Variants in ABRAXAS2 observed in about 807,000 individuals in gnomAD.
ABRAXAS2 encodes the protein BRISC complex subunit Abraxas 2.
Under a neutral mutation model 49.0 loss-of-function variants are expected in ABRAXAS2, and 23 were observed. The ratio of observed to expected loss-of-function variants is 0.47; its 90% CI spans 0.34 to 0.66. The LOEUF (loss-of-function observed/expected upper bound fraction) is 0.66, where lower values mean the gene tolerates loss of function less well. Ranked by LOEUF, ABRAXAS2 falls within the 30% of genes least tolerant of loss-of-function variation. ABRAXAS2 has a pLI of 0.01. For synonymous variants in ABRAXAS2, 168 were observed against 180.2 expected, an observed-to-expected ratio of 0.93 and a Z score of 0.54; for missense variants, 443 against 511.9, an observed-to-expected ratio of 0.87 and a Z score of 1.30.
chr10:124,806,963 A>G (rs759953792), intron 2 of ABRAXAS2, 42 bp downstream of exon 2: 3 of 1,339,620 alleles, frequency 2.2e-6, no homozygotes, highest in South Asian at 2.5e-5. Flanking sequence ...TCTTTTTTGT[A>G]TATTTACTTA....
intron 2 of ABRAXAS2, among the ~76,000 whole-genome samples, chr10:124,814,056 A>G (rs536574213): frequency 9.9e-5 from 15 of 152,256 alleles, no homozygotes; most frequent in African/African-American, 3.4e-4. Context: ...CAATGGCACA[A>G]TCTTGACTCA....
chr10:124,806,024 G>C lies in ABRAXAS2; in HGVS notation c.73-807G>C, dbSNP rs572591748. Among the ~76,000 whole-genome samples, 3 of 152,282 alleles carry C rather than the reference G, an allele frequency of 2.0e-5. No homozygotes were observed. In the South Asian group the frequency reaches 6.2e-4, roughly 32 times the overall value. ...TTTATTAAAGAAAAAGGTTCGGCTG[G>C]GCACGATGGCTCACGCCTGTAATCC... On this transcript the variant is annotated intron_variant, in intron 1 of 8. Coordinates refer to ENST00000298492, the MANE Select transcript of ABRAXAS2 (RefSeq NM_032182.4).
chr10:124,801,927 C>T (rs769567275), intron 1 of ABRAXAS2, 26 bp downstream of exon 1: 8 of 1,609,250 alleles, frequency 5.0e-6, no homozygotes, highest in Non-Finnish European at 5.9e-6. Flanking sequence ...CCTGCCGCGC[C>T]CGCTGGGGGC....
chr10:124,815,596 T>C (rs1302216934), intron 2 of ABRAXAS2, among the ~76,000 whole-genome samples: 1 of 152,208 alleles, frequency 6.6e-6, no homozygotes, highest in Non-Finnish European at 1.5e-5. Context: ...ATGTGATTAA[T>C]ATAACTGAAT....
chr10:124,830,785 T>C (rs1333311201), intron 7 of ABRAXAS2, among the ~76,000 whole-genome samples: 1 of 152,256 alleles, frequency 6.6e-6, no homozygotes, highest in Non-Finnish European at 1.5e-5. Context: ...TATTTCATTG[T>C]TGATTGAATA....
chr10:124,804,605 G>C (rs1365188459), intron 1 of ABRAXAS2, among the ~76,000 whole-genome samples: 1 of 151,402 alleles, frequency 6.6e-6, no homozygotes, highest in African/African-American at 2.4e-5. Flanking sequence ...TTTTCTTAGG[G>C]TAAAACAAGC....
chr10:124,823,865 T>G (rs566143440), intron 4 of ABRAXAS2, among the ~76,000 whole-genome samples: 1 of 152,332 alleles, frequency 6.6e-6, no homozygotes, highest in Non-Finnish European at 1.5e-5. Context: ...CAATACACAT[T>G]AATTTGGCAT....
chr10:124,824,554 A>G (rs1950885662), intron 4 of ABRAXAS2, among the ~76,000 whole-genome samples: 1 of 151,994 alleles, frequency 6.6e-6, no homozygotes, highest in Non-Finnish European at 1.5e-5. Flanking sequence ...AAAAAACAAA[A>G]CAAAGGCAGC....
At position 124,834,838 on chromosome 10, in the gene ABRAXAS2, C is replaced by T. The variant is rs1950959604; in HGVS notation, c.1115C>T (p.Ser372Leu). ...QRAAGDSGED[S>L]DDSDYENLID... Reference sequence around the variant, plus strand: ...GCAGCTGGAGACAGTGGTGAGGATTCAGACGACAGTGATTATGAAAATTTG... The same window carrying T: ...GCAGCTGGAGACAGTGGTGAGGATTTAGACGACAGTGATTATGAAAATTTG... Residue 372 changes from serine (S) to leucine (L), a missense_variant, in exon 9 of 9, where the codon TCA becomes TTA. Physicochemically the swap from Ser to Leu is moderately radical, Grantham distance 145. Coordinates refer to ENST00000298492, the MANE Select transcript of ABRAXAS2 (RefSeq NM_032182.4). 1 of 1,614,126 alleles carries T rather than the reference C, an allele frequency of 6.2e-7. No individual in the cohort carries two copies. Among genetic ancestry groups the T allele is most frequent in the Non-Finnish European group, 8.5e-7 (1 of 1,180,026 alleles).
At chr10:124,828,493 T>C (rs1950910787) in intron 5 of ABRAXAS2, among the ~76,000 whole-genome samples, 2 of 152,094 alleles carry the variant, frequency 1.3e-5, no homozygotes, top group Admixed American at 6.6e-5. Flanking sequence ...GCCTCCCGAG[T>C]AGCTGAGACT....
intron 4 of ABRAXAS2, among the ~76,000 whole-genome samples, chr10:124,824,302 G>A (rs1041629995): frequency 6.6e-6 from 1 of 152,188 alleles, no homozygotes; most frequent in African/African-American, 2.4e-5. Flanking sequence ...TTGGGAGGCC[G>A]AGGCTGGCAG....
At chr10:124,821,802 C>T (rs770753263) in intron 4 of ABRAXAS2, among the ~76,000 whole-genome samples, 6 of 152,012 alleles carry the variant, frequency 3.9e-5, no homozygotes, top group East Asian at 3.9e-4. Context: ...TTGCAATCAC[C>T]GAAAGAATTT....
At chr10:124,829,047 T>C (rs1472227417) in intron 6 of ABRAXAS2, among the ~76,000 whole-genome samples, 172 bp downstream of exon 6, 2 of 152,258 alleles carry the variant, frequency 1.3e-5, no homozygotes, top group African/African-American at 4.8e-5. Flanking sequence ...AATTTTGTTC[T>C]TGTTGAAAAG....
At chr10:124,814,514 A>T (rs1950811239) in intron 2 of ABRAXAS2, among the ~76,000 whole-genome samples, 1 of 145,018 alleles carries the variant, frequency 6.9e-6, no homozygotes, top group African/African-American at 2.6e-5. Context: ...ATCATGCCCG[A>T]CTCATTTTTG....
chr10:124,826,703 G>A lies in ABRAXAS2; in HGVS notation c.376G>A (p.Val126Ile), dbSNP rs779280502. ...CCGCATCCTCGGCGTGCCCGACCTC[G>A]TCTTTCTTCTCTTCAGCTTCATCTC... is the stretch of plus-strand genomic sequence containing the variant. Reference protein sequence around the residue: ...LTRILGVPDLVFLLFSFISTA... With the variant: ...LTRILGVPDLIFLLFSFISTA... Residue 126 changes from valine (V) to isoleucine (I), a missense_variant, in exon 5 of 9, where the codon GTC becomes ATC. Val to Ile is a conservative substitution (Grantham distance 29). Transcript: ENST00000298492. 4.3e-5 allele frequency: 69 copies of A among 1,614,056 alleles called. No individual in the cohort carries two copies. The highest frequency in any genetic ancestry group is 1.6e-4 in the Middle Eastern group (1 of 6,084).
chr10:124,810,716 G>A (rs1040384825), intron 2 of ABRAXAS2, among the ~76,000 whole-genome samples: 1 of 151,052 alleles, frequency 6.6e-6, no homozygotes, highest in Admixed American at 6.6e-5. Context: ...CCGAGTAGGT[G>A]GAACTACAGG....
In ABRAXAS2 at chr10:124,834,557, G is replaced by A. The variant is rs750378292; in HGVS notation, c.834G>A (p.Ala278=). 38 of 1,614,040 alleles carry A rather than the reference G, an allele frequency of 2.4e-5. No homozygotes were observed. Among genetic ancestry groups the A allele is most frequent in the East Asian group, 1.8e-4 (8 of 44,884 alleles). ...RQMPSESLDP[A]FSPRMPSSGF... is the part of the protein sequence containing the mutation. ...TGCCGTCTGAAAGCTTGGACCCAGC[G>A]TTCAGTCCTCGGATGCCGTCCTCTG... is the stretch of plus-strand genomic sequence containing the variant. Residue 278 remains alanine, a synonymous_variant, in exon 9 of 9, where the codon GCG becomes GCA. Coordinates refer to ENST00000298492, the MANE Select transcript of ABRAXAS2 (RefSeq NM_032182.4).
In ABRAXAS2 at chr10:124,834,824, C is replaced by T; in HGVS notation, c.1101C>T (p.Asp367=). Residue 367 remains aspartate (D), a synonymous_variant, in exon 9 of 9, where the codon GAC becomes GAT. Coordinates refer to ENST00000298492, the MANE Select transcript of ABRAXAS2 (RefSeq NM_032182.4). ...DLPPPQRAAG[D]SGEDSDDSDY... ...CTCCTCCCCAAAGAGCAGCTGGAGA[C>T]AGTGGTGAGGATTCAGACGACAGTG... The T allele has an allele frequency of 6.2e-7, 1 of 1,614,082 alleles. No individual in the cohort carries two copies. The highest frequency in any genetic ancestry group is 8.5e-7 in the Non-Finnish European group (1 of 1,180,024).
chr10:124,826,714 C>A lies in ABRAXAS2; in HGVS notation c.387C>A (p.Leu129=). Residue 129 remains leucine (L), a synonymous_variant, in exon 5 of 9, where the codon CTC becomes CTA. Coordinates refer to ENST00000298492, the MANE Select transcript of ABRAXAS2 (RefSeq NM_032182.4). Reference sequence around the variant, plus strand: ...GCGTGCCCGACCTCGTCTTTCTTCTCTTCAGCTTCATCTCCACTGCCAACA... The same window carrying A: ...GCGTGCCCGACCTCGTCTTTCTTCTATTCAGCTTCATCTCCACTGCCAACA... ...ILGVPDLVFL[L]FSFISTANNS... 6.2e-7 allele frequency: 1 copy of A among 1,614,234 alleles called. No individual in the cohort carries two copies. Among genetic ancestry groups the A allele is most frequent in the East Asian group, 2.2e-5 (1 of 44,888 alleles).
Sources: gnomAD v4.1 joint callset for allele counts (sites outside exome capture counted in the v4.1 genomes callset) on GRCh38, gnomAD v4.1.1 for gene constraint, MANE v1.5 for transcripts, NCBI Gene and HGNC (gene_info 2026-07-23, HGNC 2026-07-21) for gene names.